The following FRYL variants were observed in gnomAD, a reference collection of about 807,000 sequenced individuals.
FRYL encodes protein furry homolog-like.
Under a neutral mutation model 351.2 loss-of-function variants are expected in FRYL, and 150 were observed. The observed-to-expected ratio is 0.43, with a 90% CI of 0.37 to 0.49. The LOEUF is 0.49. Among genes scored for constraint, FRYL ranks in the 20% least tolerant of loss-of-function variants. The pLI, the probability that FRYL is intolerant of heterozygous loss-of-function variation, is 0.00. For missense variants in FRYL, 3,036 were observed against 3,619.3 expected (o/e 0.84, Z 4.13); for synonymous variants, 1,153 against 1,257.1 (o/e 0.92, Z 1.75).
chr4:48,622,030 T>C (rs768635884), intron 5 of FRYL, among the ~76,000 whole-genome samples: 3 of 152,022 alleles, frequency 2.0e-5, no homozygotes, highest in Non-Finnish European at 4.4e-5. Context: ...GAAGGAACAA[T>C]AAAAACCCAT....
intron 1 of FRYL, among the ~76,000 whole-genome samples, chr4:48,724,573 G>C (rs967592535): frequency 6.6e-6 from 1 of 152,162 alleles, no homozygotes; most frequent in Non-Finnish European, 1.5e-5. Context: ...CCAGGAGTTG[G>C]GTGCGGGGGG....
chr4:48,502,890 A>T (rs1720033783), intron 60 of FRYL, 45 bp from the exon 61 acceptor site: 1 of 1,526,154 alleles, frequency 6.6e-7, no homozygotes, highest in East Asian at 2.3e-5. Flanking sequence ...AAAGGAAGAA[A>T]AAGACCAAGA....
At chr4:48,736,472 GAC>G (rs1360838290) in intron 1 of FRYL, among the ~76,000 whole-genome samples, 13 of 151,834 alleles carry the variant, frequency 8.6e-5, no homozygotes, top group Admixed American at 3.9e-4. Context: ...GAAAAAAAGA[GAC>G]ATGACACAAA....
intron 3 of FRYL, among the ~76,000 whole-genome samples, chr4:48,662,285 T>C (rs1221415682): frequency 6.6e-6 from 1 of 151,584 alleles, no homozygotes; most frequent in East Asian, 1.9e-4. Context: ...TATAAACAAA[T>C]TTAAAAATTA....
chr4:48,576,475 T>G (rs1578192981), intron 23 of FRYL, among the ~76,000 whole-genome samples: 1 of 151,856 alleles, frequency 6.6e-6, no homozygotes, highest in Admixed American at 6.6e-5. Flanking sequence ...CAGCAAATGT[T>G]TTGTATTTTT....
At chr4:48,713,167 T>C (rs1157530034) in intron 1 of FRYL, among the ~76,000 whole-genome samples, 4 of 150,806 alleles carry the variant, frequency 2.7e-5, no homozygotes, top group African/African-American at 9.8e-5. Context: ...AGAAACTGCA[T>C]CAACTAACAA....
rs779180349 is a variant in FRYL, at chr4:48,540,930, G to A, written c.5718C>T (p.Asn1906=). 4 of 1,604,374 alleles carry A rather than the reference G, an allele frequency of 2.5e-6. No homozygotes were observed. Among genetic ancestry groups the A allele is most frequent in the Non-Finnish European group, 8.5e-7 (1 of 1,173,210 alleles). ...TGCTTTTCCTGTTAGCTGCATACTT[G>A]TTTCCCATTATAGGATCATGATATG... ...QTSYHDPIMG[N]KYAANRKSTG... is the part of the protein sequence containing the mutation. The change falls in exon 46 of 64, where the codon AAC becomes AAT. Residue 1906 remains asparagine (N), a synonymous_variant. Transcript: ENST00000358350.
intron 2 of FRYL, among the ~76,000 whole-genome samples, chr4:48,688,237 T>A (rs547844830): frequency 8.5e-5 from 13 of 152,288 alleles, no homozygotes; most frequent in African/African-American, 2.9e-4. Context: ...CCTCTTAAAA[T>A]GATGCAAAAA....
At chr4:48,639,958 T>C (rs1490217056) in intron 3 of FRYL, among the ~76,000 whole-genome samples, 1 of 152,116 alleles carries the variant, frequency 6.6e-6, no homozygotes, top group Admixed American at 6.6e-5. Flanking sequence ...ACAACAATGA[T>C]ACACTACTAC....
intron 2 of FRYL, among the ~76,000 whole-genome samples, chr4:48,706,181 T>A (rs946145884): frequency 6.6e-6 from 1 of 152,168 alleles, no homozygotes; most frequent in African/African-American, 2.4e-5. Flanking sequence ...ATTCTAGGAA[T>A]AGAATTCAGC....
intron 1 of FRYL, among the ~76,000 whole-genome samples, chr4:48,724,356 C>G (rs1156494502): frequency 6.6e-6 from 1 of 152,088 alleles, no homozygotes; most frequent in Non-Finnish European, 1.5e-5. Context: ...TTGCTAACCC[C>G]TCTGCCTGGA....
Position 48,779,246 on chromosome 4 carries a change from C to A in FRYL, c.-384+832G>T, listed in dbSNP as rs576353529. 6.2e-4 allele frequency among the ~76,000 whole-genome samples: 95 copies of A among 152,330 alleles called. 1 individual carries two copies. The highest frequency in any genetic ancestry group is 6.8e-3 in the Middle Eastern group (2 of 292). On this transcript the variant is annotated intron_variant, in intron 1 of 63. Transcript: ENST00000358350. ...TCCATCAAACGGCAAATAAAAGTTG[C>A]AAAGAAGAGCTCAGCGCCCAGGCAC...
chr4:48,714,166 G>T (rs946560293), intron 1 of FRYL, among the ~76,000 whole-genome samples: 1 of 152,186 alleles, frequency 6.6e-6, no homozygotes, highest in Non-Finnish European at 1.5e-5. Flanking sequence ...ACAAGAGAAA[G>T]CAGGAAAGAT....
chr4:48,694,735 AATT>A (rs1578745477), intron 2 of FRYL, among the ~76,000 whole-genome samples: 2 of 152,286 alleles, frequency 1.3e-5, no homozygotes, highest in East Asian at 3.9e-4. Flanking sequence ...TTCCCACTAA[AATT>A]ATTTCTTGAC....
Position 48,579,232 on chromosome 4 carries a change from G to C in FRYL, c.2269C>G (p.Leu757Val), listed in dbSNP as rs1386102116. 2 of 1,608,918 alleles carry C rather than the reference G, an allele frequency of 1.2e-6. No homozygotes were observed. The highest frequency in any genetic ancestry group is 4.5e-5 in the East Asian group (2 of 44,824). Residue 757 changes from leucine to valine, a missense_variant, in exon 23 of 64, where the codon CTC becomes GTC. Transcript: ENST00000358350. ...HLTGADQTTL[L>V]YCPSSIDLQT... ...AAATCTATCGAGCTAGGGCAATAGA[G>C]CAAAGTAGTCTATATGGAGAGGAAA...
intron 47 of FRYL, among the ~76,000 whole-genome samples, chr4:48,537,165 A>G (rs1056917983): frequency 2.6e-5 from 4 of 152,238 alleles, no homozygotes; most frequent in African/African-American, 9.6e-5. Context: ...AAAACATAAA[A>G]AACTTTCCTG....
Position 48,550,631 on chromosome 4 carries a change from A to T in FRYL, c.4594T>A (p.Tyr1532Asn). The part of the protein sequence containing the change: ...NRQHHRLESR[Y>N]SSSSGGSYEE... ...TAAGATCCTCCAGAGCTGCTACTGT[A>T]TCGGGATTCTAGTCTGTGATGTTGC... is the stretch of plus-strand genomic sequence containing the variant. Residue 1532 changes from tyrosine to asparagine, a missense_variant, in exon 38 of 64, where the codon TAC becomes AAC. Tyr to Asn is a moderately radical substitution (Grantham distance 143). This residue lies in a region of FRYL where 1,987 missense variants were observed against 2,311.7 expected (regional missense o/e 0.86). Transcript: ENST00000358350. 3 of 1,613,984 alleles carry T rather than the reference A, an allele frequency of 1.9e-6. No homozygotes were observed. Among genetic ancestry groups the T allele is most frequent in the East Asian group, 2.2e-5 (1 of 44,884 alleles).
At chr4:48,603,151 G>T in intron 12 of FRYL, 139 bp downstream of exon 12, 1 of 663,920 alleles carries the variant, frequency 1.5e-6, no homozygotes, top group Non-Finnish European at 2.7e-6. Context: ...ACATACGTAT[G>T]TAAAACTTGC....
At chr4:48,666,424 A>T (rs892699589) in intron 3 of FRYL, among the ~76,000 whole-genome samples, 1 of 151,960 alleles carries the variant, frequency 6.6e-6, no homozygotes, top group African/African-American at 2.4e-5. Flanking sequence ...AGAATTAGAG[A>T]ACCAATAGGG....
Sources: allele counts gnomAD v4.1 joint callset (sites outside exome capture counted in the v4.1 genomes callset), GRCh38; gene constraint gnomAD v4.1.1; regional missense constraint gnomAD v4.1.1; transcripts MANE v1.5; gene names NCBI Gene and HGNC (gene_info 2026-07-23, HGNC 2026-07-21).